Variants in AGK observed in about 807,000 individuals in gnomAD.
AGK encodes acylglycerol kinase.
AGK carries 52 observed loss-of-function variants against 66.4 expected under a neutral mutation model. That is an observed-to-expected ratio of 0.78 (90% CI 0.63 to 0.99). The LOEUF (loss-of-function observed/expected upper bound fraction) is 0.99. Among genes scored for constraint, AGK ranks in the 50% least tolerant of loss-of-function variants. The pLI, the probability that AGK is intolerant of heterozygous loss-of-function variation, is 0.00. For missense variants in AGK, 451 were observed against 506.6 expected, an observed-to-expected ratio of 0.89 and a Z score of 1.05; for synonymous variants, 182 against 181.1, an observed-to-expected ratio of 1.00 and a Z score of -0.04.
At chr7:141,620,744 A>G (rs1347985596) in intron 8 of AGK, among the ~76,000 whole-genome samples, 2 of 150,472 alleles carry the variant, frequency 1.3e-5, no homozygotes, top group Admixed American at 1.3e-4. Context: ...GAGCTCAACC[A>G]GGAGCTCACA....
At chr7:141,619,651 T>C (rs968152611) in intron 8 of AGK, among the ~76,000 whole-genome samples, 13 of 151,178 alleles carry the variant, frequency 8.6e-5, no homozygotes, top group African/African-American at 3.2e-4. Context: ...CCACTATGCA[T>C]CTATTAGGAC....
chr7:141,576,478 G>A (rs1335328727), intron 2 of AGK, among the ~76,000 whole-genome samples: 1 of 151,322 alleles, frequency 6.6e-6, no homozygotes, highest in Non-Finnish European at 1.5e-5. Context: ...TACAGAACAG[G>A]TAACTCAGGA....
intron 2 of AGK, among the ~76,000 whole-genome samples, chr7:141,578,482 CCTT>C (rs1795803579): frequency 6.6e-6 from 1 of 151,504 alleles, no homozygotes; most frequent in Non-Finnish European, 1.5e-5. Context: ...GACATTCCTG[CCTT>C]CTTATATTAA....
intron 2 of AGK, among the ~76,000 whole-genome samples, chr7:141,566,961 G>A (rs1458583257): frequency 6.6e-6 from 1 of 152,088 alleles, no homozygotes; most frequent in African/African-American, 2.4e-5. Flanking sequence ...TTTAGAATAA[G>A]CTTAGTAAAA....
intron 12 of AGK, 121 bp from the exon 13 acceptor site, chr7:141,641,690 A>G: frequency 1.2e-6 from 1 of 828,794 alleles, no homozygotes; most frequent in Non-Finnish European, 1.9e-6. Context: ...AATAAATAAA[A>G]TGAAGGCAGA....
intron 9 of AGK, among the ~76,000 whole-genome samples, chr7:141,631,016 T>C (rs1179894056): frequency 6.6e-6 from 1 of 152,158 alleles, no homozygotes; most frequent in Non-Finnish European, 1.5e-5. Flanking sequence ...AGTGGATGAG[T>C]GAAAACATAC....
chr7:141,597,821 G>T (rs1028518680), intron 4 of AGK, among the ~76,000 whole-genome samples: 5 of 146,262 alleles, frequency 3.4e-5, no homozygotes, highest in Non-Finnish European at 7.5e-5. Flanking sequence ...AGCCCAGGAG[G>T]TCGAGGCTGT....
chr7:141,582,290 G>A lies in AGK; in HGVS notation c.102-10856G>A, dbSNP rs868216332. Among the ~76,000 whole-genome samples the A allele has an allele frequency of 1.3e-4, 19 of 151,944 alleles. 1 individual carries two copies. Among genetic ancestry groups the A allele is most frequent in the African/African-American group, 4.4e-4 (18 of 41,204 alleles). On this transcript the variant is annotated intron_variant, in intron 2 of 15. Transcript: ENST00000649286. Reference sequence around the variant, plus strand: ...GGTGGTCCTGGAGGAATGCCTGGCCGCTGCGGTTTAGGTGTTTGGAAGTTC... The same window carrying A: ...GGTGGTCCTGGAGGAATGCCTGGCCACTGCGGTTTAGGTGTTTGGAAGTTC...
intron 1 of AGK, among the ~76,000 whole-genome samples, chr7:141,553,678 G>A (rs1795146664): frequency 6.6e-6 from 1 of 152,152 alleles, no homozygotes; most frequent in South Asian, 2.1e-4. Flanking sequence ...AGGGCCAGAT[G>A]GAGAGGAGTT....
chr7:141,650,449 C>T, intron 14 of AGK: 1 of 947,156 alleles, frequency 1.1e-6, no homozygotes, highest in Non-Finnish European at 1.3e-6. Flanking sequence ...CCAGTGGCAG[C>T]CAGTGTCCTT....
At chr7:141,608,506 AAG>A (rs1268328980) in intron 5 of AGK, among the ~76,000 whole-genome samples, 1 of 152,164 alleles carries the variant, frequency 6.6e-6, no homozygotes, top group Non-Finnish European at 1.5e-5. Context: ...GGGTGAGAGT[AAG>A]AGAGGATGAG....
intron 2 of AGK, among the ~76,000 whole-genome samples, chr7:141,562,610 G>A (rs183038031): frequency 3.3e-5 from 5 of 152,228 alleles, no homozygotes; most frequent in East Asian, 1.9e-4. Context: ...CTCTTGTGCC[G>A]TATAGTTCAC....
chr7:141,597,329 G>T (rs1228706311), intron 4 of AGK: 1 of 152,360 alleles, frequency 6.6e-6, no homozygotes, highest in Non-Finnish European at 1.5e-5. Flanking sequence ...GTATGTGGGG[G>T]TGGGGAGTGG....
At position 141,626,498 on chromosome 7, in the gene AGK, T is replaced by C. The variant is rs1214993948; in HGVS notation, c.588+4697T>C. Among the ~76,000 whole-genome samples, 4 of 152,326 alleles carry C rather than the reference T, an allele frequency of 2.6e-5. No homozygotes were observed. In the East Asian group the frequency reaches 7.7e-4, roughly 29 times the overall value. On this transcript the variant is annotated intron_variant, in intron 9 of 15. Transcript: ENST00000649286. The stretch of plus-strand genomic sequence containing the variant: ...AAAAGGGAAAAATATACTTTGATAA[T>C]GGAGAAATCTAGTGATCAAACTTAG...
intron 2 of AGK, among the ~76,000 whole-genome samples, chr7:141,592,042 G>A (rs191237722): frequency 3.7e-4 from 57 of 152,306 alleles, no homozygotes; most frequent in Middle Eastern, 3.4e-3. Flanking sequence ...TAAGACAGTA[G>A]CAGAAGAAAC....
At chr7:141,639,073 A>C (rs1034651509) in intron 11 of AGK, among the ~76,000 whole-genome samples, 1 of 152,224 alleles carries the variant, frequency 6.6e-6, no homozygotes, top group African/African-American at 2.4e-5. Flanking sequence ...CTAACATAGA[A>C]GCCAATAGAA....
chr7:141,568,529 T>A (rs1379789538), intron 2 of AGK, among the ~76,000 whole-genome samples: 1 of 151,986 alleles, frequency 6.6e-6, no homozygotes, highest in African/African-American at 2.4e-5. Flanking sequence ...CCAGTTCTGC[T>A]ACCCACCTCA....
At chr7:141,577,178 T>C (rs1795761524) in intron 2 of AGK, among the ~76,000 whole-genome samples, 1 of 152,144 alleles carries the variant, frequency 6.6e-6, no homozygotes, top group African/African-American at 2.4e-5. Context: ...AGAGTAGCGG[T>C]GAGAGGGACA....
chr7:141,642,852 T>C lies in AGK; in HGVS notation c.975+944T>C, dbSNP rs115926075. Among the ~76,000 whole-genome samples the C allele has an allele frequency of 8.8e-3, 1,345 of 152,296 alleles. 21 individuals are homozygous for C. The highest frequency in any genetic ancestry group is 0.031 in the African/African-American group (1,298 of 41,554). On this transcript the variant is annotated intron_variant, in intron 13 of 15. Coordinates refer to ENST00000649286, the MANE Select transcript of AGK (RefSeq NM_018238.4). ...GGGAGAGCTGAGTAGTTGTGACAGA[T>C]TGTATGGCCCAAAGCCTAAAATGTT... is the stretch of plus-strand genomic sequence containing the variant.
Sources: allele counts gnomAD v4.1 joint callset (sites outside exome capture counted in the v4.1 genomes callset), GRCh38; gene constraint gnomAD v4.1.1; transcripts MANE v1.5; gene names NCBI Gene and HGNC (gene_info 2026-07-23, HGNC 2026-07-21).